Variants in DIP2A observed in about 807,000 individuals in gnomAD.
DIP2A encodes the protein DIP2 acetate--CoA ligase A, also known as disco-interacting protein 2 homolog A.
In DIP2A, 85 loss-of-function variants were observed where a neutral mutation model predicts 177.4. That is an observed-to-expected ratio of 0.48 (90% CI 0.40 to 0.57). The LOEUF (loss-of-function observed/expected upper bound fraction) is 0.57. Among genes scored for constraint, DIP2A ranks in the 20% least tolerant of loss-of-function variants. The pLI, the probability that DIP2A is intolerant of heterozygous loss-of-function variation, is 0.00. For missense variants in DIP2A, 1,791 were observed against 2,100.2 expected (o/e 0.85, Z 2.88); for synonymous variants, 886 against 881.8 (o/e 1.00, Z -0.08).
the DIP2A span, among the ~76,000 whole-genome samples, chr21:46,583,614 G>A: frequency 6.6e-6 from 1 of 152,156 alleles, no homozygotes; most frequent in Admixed American, 6.5e-5. Flanking sequence ...TCGGGAGGTG[G>A]GAACTTTAAG....
intron 37 of DIP2A, 90 bp from the exon 38 acceptor site, chr21:46,567,280 C>T: frequency 6.6e-7 from 1 of 1,526,048 alleles, no homozygotes; most frequent in East Asian, 2.3e-5. Context: ...GTGGGCTTCA[C>T]TCTTCTTTGT....
At position 46,558,279 on chromosome 21, in the gene DIP2A, G is replaced by T. The variant is rs1447488974; in HGVS notation, c.3855G>T (p.Arg1285=). ...CGTGCATGGTGGTCGCCGAGGAGCG[G>T]CCCAGGATTGCGCTGACCCAGTCCT... ...VRTCMVVAEE[R]PRIALTQSFS... The change falls in exon 32 of 38, where the codon CGG becomes CGT. Residue 1285 remains arginine, a synonymous_variant. Transcript: ENST00000417564. 1 of 1,612,312 alleles carries T rather than the reference G, an allele frequency of 6.2e-7. No homozygotes were observed.
intron 9 of DIP2A, among the ~76,000 whole-genome samples, chr21:46,531,914 C>G (rs2059371931): frequency 6.6e-6 from 1 of 152,164 alleles, no homozygotes; most frequent in Non-Finnish European, 1.5e-5. Flanking sequence ...AAAGTCAGCA[C>G]TTATTGGTTA....
chr21:46,486,976 C>A (rs539277970), intron 2 of DIP2A, among the ~76,000 whole-genome samples: 58 of 152,228 alleles, frequency 3.8e-4, no homozygotes, highest in African/African-American at 1.4e-3. Flanking sequence ...ATAGCCAATA[C>A]AAGCTTAAAA....
chr21:46,538,707 G>C, intron 16 of DIP2A, 105 bp downstream of exon 16: 1 of 1,444,714 alleles, frequency 6.9e-7, no homozygotes, highest in Non-Finnish European at 9.3e-7. Context: ...CACTGCCATT[G>C]TCATATAGAT....
chr21:46,473,468 G>C (rs916686081), intron 1 of DIP2A, among the ~76,000 whole-genome samples: 3 of 131,398 alleles, frequency 2.3e-5, no homozygotes, highest in African/African-American at 8.7e-5. Context: ...GAAAAAAAAA[G>C]GGGGGGGGGC....
At chr21:46,464,257 G>A (rs2054598878) in intron 1 of DIP2A, among the ~76,000 whole-genome samples, 2 of 152,016 alleles carry the variant, frequency 1.3e-5, no homozygotes, top group South Asian at 2.1e-4. Context: ...GCCGGGCGTG[G>A]TGGCGTATGC....
intron 1 of DIP2A, among the ~76,000 whole-genome samples, chr21:46,484,432 G>A (rs995346347): frequency 6.6e-6 from 1 of 152,122 alleles, no homozygotes; most frequent in East Asian, 1.9e-4. Flanking sequence ...CCCAGCCCCT[G>A]GCAACCACTA....
At chr21:46,492,883 T>C (rs1264579344) in intron 3 of DIP2A, among the ~76,000 whole-genome samples, 1 of 150,980 alleles carries the variant, frequency 6.6e-6, no homozygotes, top group Admixed American at 6.6e-5. Context: ...GAGGTTGCAG[T>C]GAGCCAATAT....
intron 18 of DIP2A, among the ~76,000 whole-genome samples, chr21:46,542,391 A>G (rs2059854714): frequency 6.6e-6 from 1 of 152,216 alleles, no homozygotes; most frequent in African/African-American, 2.4e-5. Flanking sequence ...GCTCTGAGGA[A>G]AATGGTAATG....
Position 46,490,591 on chromosome 21 carries a change from G to A in DIP2A, c.164-9G>A. 6.4e-7 allele frequency: 1 copy of A among 1,550,660 alleles called. No homozygotes were observed. The highest frequency in any genetic ancestry group is 8.7e-7 in the Non-Finnish European group (1 of 1,148,290). On this transcript the variant is annotated splice_polypyrimidine_tract_variant and intron_variant, in intron 2 of 37. Coordinates refer to ENST00000417564, the MANE Select transcript of DIP2A (RefSeq NM_015151.4). The stretch of plus-strand genomic sequence containing the variant: ...TCACATAAGGTATTCCCATAAAATT[G>A]TGTTTCAGGAATAGACCCATCTCTG...
At chr21:46,531,062 C>T (rs994500139) in intron 9 of DIP2A, among the ~76,000 whole-genome samples, 3 of 152,088 alleles carry the variant, frequency 2.0e-5, no homozygotes, top group African/African-American at 7.2e-5. Flanking sequence ...GTCCCTCAGC[C>T]ACATGAGTGA....
rs891263029 is a variant in DIP2A at position 46,560,682 on chromosome 21, A to G, written c.3970-40A>G. ...ACCTGTAGAAACAAGATGTTAAGTGAGGCCCCTGAACAGAAGTTCCTCTGC... is the reference window on the plus strand; with the variant it reads ...ACCTGTAGAAACAAGATGTTAAGTGGGGCCCCTGAACAGAAGTTCCTCTGC... On this transcript the variant is annotated intron_variant, in intron 32 of 37. Transcript: ENST00000417564. 6 of 1,580,702 alleles carry G rather than the reference A, an allele frequency of 3.8e-6. No homozygotes were observed. In the African/African-American group the frequency reaches 8.1e-5, roughly 21 times the overall value.
At chr21:46,538,802 T>A in intron 16 of DIP2A, 200 bp downstream of exon 16, 1 of 729,032 alleles carries the variant, frequency 1.4e-6, no homozygotes, top group Non-Finnish European at 2.2e-6. Flanking sequence ...CCACTAAATT[T>A]AAAAGCAATT....
intron 7 of DIP2A, among the ~76,000 whole-genome samples, chr21:46,510,400 A>G (rs1048620252): frequency 1.3e-5 from 2 of 152,152 alleles, no homozygotes; most frequent in African/African-American, 4.8e-5. Flanking sequence ...AGACACACCC[A>G]GGAAGAATAC....
In DIP2A at chr21:46,557,074, G is replaced by T; in HGVS notation, c.3629+5G>T. The T allele has an allele frequency of 6.3e-7, 1 of 1,598,422 alleles. No individual in the cohort carries two copies. The highest frequency in any genetic ancestry group is 8.5e-7 in the Non-Finnish European group (1 of 1,171,522). On this transcript the variant is annotated splice_donor_5th_base_variant and intron_variant, in intron 30 of 37. Transcript: ENST00000417564. The surrounding 1 kb of genome is among the most constrained non-coding windows in gnomAD (Gnocchi z 6.0). ...TGCCCTGTGGTGTCTGTGCAGGTGA[G>T]TGCAGGGCCCCTGCTGCCTGCCAGG...
chr21:46,569,677 CATT>C lies in DIP2A; in HGVS notation c.*2058_*2060del, dbSNP rs2060928089. On this transcript the variant is annotated 3_prime_UTR_variant, in exon 38 of 38. Transcript: ENST00000417564. ...GTATATCACACTAAAATTTTTATATCATTATGTTAATAAAAGTTATTGACTTTG... is the reference window on the plus strand; with the variant it reads ...GTATATCACACTAAAATTTTTATATCATGTTAATAAAAGTTATTGACTTTG... The C allele has an allele frequency of 1.3e-5, 2 of 152,102 alleles. No individual in the cohort carries two copies. Among genetic ancestry groups the C allele is most frequent in the Non-Finnish European group, 2.9e-5 (2 of 68,006 alleles). 9.4% of individuals were successfully genotyped at this position (152,102 alleles called of 1,614,324 possible).
In DIP2A at chr21:46,547,015, A is replaced by G. The variant is rs2060078850; in HGVS notation, c.2495A>G (p.Glu832Gly). ...DDVVATALAV[E>G]PMKFVYRGRI... ...GTTGTGGCCACCGCACTGGCCGTGG[A>G]GCCCATGAAGTTTGTCTACAGAGGC... Residue 832 changes from glutamate (E) to glycine (G), a missense_variant, in exon 21 of 38, where the codon GAG becomes GGG. Physicochemically the swap from Glu to Gly is moderately conservative, Grantham distance 98 (BLOSUM62 -2). Coordinates refer to ENST00000417564, the MANE Select transcript of DIP2A (RefSeq NM_015151.4). 6.2e-7 allele frequency: 1 copy of G among 1,613,974 alleles called. No homozygotes were observed.
At position 46,554,579 on chromosome 21, in the gene DIP2A, G is replaced by A; in HGVS notation, c.3159G>A (p.Val1053=). The A allele has an allele frequency of 1.2e-5, 19 of 1,611,758 alleles. No homozygotes were observed. The highest frequency in any genetic ancestry group is 1.6e-5 in the Non-Finnish European group (19 of 1,179,112). Residue 1053 remains valine, a synonymous_variant, in exon 27 of 38, where the codon GTG becomes GTA. Coordinates refer to ENST00000417564, the MANE Select transcript of DIP2A (RefSeq NM_015151.4). The stretch of plus-strand genomic sequence containing the variant: ...AGCCAGTCCTTGTCTCCACAGGGGT[G>A]GACCTCATTGCCGCGTTCTATGGCT... ...DHVALVYPPG[V]DLIAAFYGCL...
Sources: allele counts gnomAD v4.1 joint callset (sites outside exome capture counted in the v4.1 genomes callset), GRCh38; gene constraint gnomAD v4.1.1; non-coding constraint Gnocchi (gnomAD v3.1); transcripts MANE v1.5; gene names NCBI Gene and HGNC (gene_info 2026-07-23, HGNC 2026-07-21).